The following SUFU variants were observed in gnomAD, a reference collection of about 807,000 sequenced individuals.
The protein encoded by SUFU is SUFU negative regulator of hedgehog signaling, also known as suppressor of fused homolog.
In SUFU, 7 loss-of-function variants were observed where a neutral mutation model predicts 58.9. The ratio of observed to expected loss-of-function variants is 0.12; its 90% CI spans 0.07 to 0.22. The LOEUF (loss-of-function observed/expected upper bound fraction) is 0.22. Ranked by LOEUF, SUFU falls within the 10% of genes least tolerant of loss-of-function variation. SUFU has a pLI of 1.00. For synonymous variants in SUFU, 232 were observed against 254.8 expected (o/e 0.91, Z 0.85); for missense variants, 451 against 641.3 (o/e 0.70, Z 3.20).
chr10:102,527,154 C>T (rs2062618820), intron 2 of SUFU, among the ~76,000 whole-genome samples: 1 of 151,892 alleles, frequency 6.6e-6, no homozygotes. Flanking sequence ...AGGCACCCAC[C>T]ACCACGCCTG....
In SUFU at chr10:102,503,977, C is replaced by T. The variant is rs923067577; in HGVS notation, c.-176C>T. On this transcript the variant is annotated 5_prime_UTR_variant, in exon 1 of 12. Coordinates refer to ENST00000369902, the MANE Select transcript of SUFU (RefSeq NM_016169.4). ...GCCCCGAGGCACCCTCTGGCAGACT[C>T]GGCGGCGGCGACAGCCTGGGCGGAC... 2.2e-6 allele frequency: 2 copies of T among 917,572 alleles called. No homozygotes were observed. The highest frequency in any genetic ancestry group is 3.0e-6 in the Non-Finnish European group (2 of 661,478). 56.8% of individuals were successfully genotyped at this position (917,572 alleles called of 1,614,324 possible).
At chr10:102,515,177 C>G (rs965862168) in intron 2 of SUFU, among the ~76,000 whole-genome samples, 1 of 152,194 alleles carries the variant, frequency 6.6e-6, no homozygotes, top group Non-Finnish European at 1.5e-5. Context: ...TTCTTCTTAG[C>G]TGGGCTCTGC....
chr10:102,597,030 C>T lies in SUFU; in HGVS notation c.757-110C>T, dbSNP rs547421983. On this transcript the variant is annotated intron_variant, in intron 6 of 11. Transcript: ENST00000369902. ...TGCTCTCCAGCATTTGTCCCATGCT[C>T]AGCACCACAAGGGCTCAGTAAATAC... 1.2e-4 allele frequency: 165 copies of T among 1,320,398 alleles called. No individual in the cohort carries two copies. In the East Asian group the frequency reaches 3.6e-3, roughly 29 times the overall value. 81.8% of individuals were successfully genotyped at this position (1,320,398 alleles called of 1,614,324 possible). A position where few individuals can be genotyped will look rare whatever the true frequency, so the allele number is the denominator to read the frequency against.
At chr10:102,589,597 C>T (rs2063374532) in intron 3 of SUFU, among the ~76,000 whole-genome samples, 1 of 151,726 alleles carries the variant, frequency 6.6e-6, no homozygotes, top group Admixed American at 6.6e-5. Flanking sequence ...AGGTGCACGC[C>T]ACCACGCCTG....
At chr10:102,530,906 G>A (rs2062669216) in intron 2 of SUFU, among the ~76,000 whole-genome samples, 1 of 151,968 alleles carries the variant, frequency 6.6e-6, no homozygotes, top group Non-Finnish European at 1.5e-5. Flanking sequence ...TGGTTTTCCT[G>A]GTTTTGTAAT....
intron 3 of SUFU, among the ~76,000 whole-genome samples, chr10:102,565,658 C>T (rs1194740990): frequency 1.3e-5 from 2 of 152,196 alleles, no homozygotes; most frequent in African/African-American, 4.8e-5. Flanking sequence ...CATTCTCCTG[C>T]CTTAGCCTCC....
chr10:102,551,810 C>T (rs1210539910), intron 3 of SUFU, among the ~76,000 whole-genome samples: 2 of 147,058 alleles, frequency 1.4e-5, no homozygotes, highest in East Asian at 2.1e-4. Flanking sequence ...CTACAAGCTC[C>T]GCCTTCTGGG....
At chr10:102,576,265 C>T (rs1371990441) in intron 3 of SUFU, among the ~76,000 whole-genome samples, 1 of 152,126 alleles carries the variant, frequency 6.6e-6, no homozygotes, top group Non-Finnish European at 1.5e-5. Flanking sequence ...GTCCTTGCAG[C>T]TTGCCAGATT....
At chr10:102,571,280 T>C (rs2063157794) in intron 3 of SUFU, among the ~76,000 whole-genome samples, 1 of 152,246 alleles carries the variant, frequency 6.6e-6, no homozygotes, top group Non-Finnish European at 1.5e-5. Flanking sequence ...GGCCAGTGAC[T>C]GAGCTAAAGA....
At chr10:102,555,307 A>G (rs545652027) in intron 3 of SUFU, among the ~76,000 whole-genome samples, 49 of 145,006 alleles carry the variant, frequency 3.4e-4, no homozygotes, top group Middle Eastern at 3.6e-3. Context: ...ATGGATCAAG[A>G]TGGACACCTT....
At chr10:102,553,632 T>G (rs964553047) in intron 3 of SUFU, among the ~76,000 whole-genome samples, 1 of 151,754 alleles carries the variant, frequency 6.6e-6, no homozygotes, top group African/African-American at 2.4e-5. Flanking sequence ...CCCAGCTAAT[T>G]TTTTGCGTTT....
chr10:102,545,950 G>C (rs1487884410), intron 2 of SUFU, among the ~76,000 whole-genome samples: 1 of 152,194 alleles, frequency 6.6e-6, no homozygotes, highest in Non-Finnish European at 1.5e-5. Flanking sequence ...CTCCAGCCTG[G>C]GAGACAGAGT....
At chr10:102,519,523 G>A (rs1449967552) in intron 2 of SUFU, among the ~76,000 whole-genome samples, 1 of 57,904 alleles carries the variant, frequency 1.7e-5, no homozygotes, top group African/African-American at 8.9e-5. Flanking sequence ...GAGAAACTCT[G>A]TCTCAAAAAA....
At chr10:102,618,975 T>TGTGG (rs2063715831) in intron 10 of SUFU, 1 of 927,694 alleles carries the variant, frequency 1.1e-6, no homozygotes, top group South Asian at 1.3e-5. Context: ...TGTGTGTGTG[T>TGTGG]GTGTAATGTT....
At chr10:102,510,601 C>T (rs186485182) in intron 2 of SUFU, among the ~76,000 whole-genome samples, 6,600 of 151,284 alleles carry the variant, frequency 0.044, 459 homozygotes, top group African/African-American at 0.15. Flanking sequence ...GCAGGTGGCT[C>T]ACTTGAGGTC....
At chr10:102,589,442 C>CTTTTTTTTTTT (rs747625757) in intron 3 of SUFU, among the ~76,000 whole-genome samples, 1,778 of 65,372 alleles carry the variant, frequency 0.027, 232 homozygotes, top group Middle Eastern at 0.12. Context: ...TTCTTTCTTT[C>CTTTTTTTTTTT]TTTTTTTTTT....
intron 8 of SUFU, among the ~76,000 whole-genome samples, 166 bp from the exon 9 acceptor site, chr10:102,615,102 A>T (rs966819782): frequency 6.6e-6 from 1 of 152,110 alleles, no homozygotes; most frequent in African/African-American, 2.4e-5. Flanking sequence ...TGCTTGGTGC[A>T]GTGGCTGGCG....
chr10:102,544,380 C>G (rs2062833142), intron 2 of SUFU, among the ~76,000 whole-genome samples: 2 of 152,094 alleles, frequency 1.3e-5, no homozygotes, highest in South Asian at 4.2e-4. Context: ...GGTTACACAA[C>G]CAGTACATTA....
chr10:102,631,399 C>T lies in SUFU; in HGVS notation c.*1244C>T, dbSNP rs1046455618. On this transcript the variant is annotated 3_prime_UTR_variant, in exon 12 of 12. Transcript: ENST00000369902. ...CAGTACTGCAGATCTCACAGTTTGCCTTCCAGAAGCCAGCCTATCTCTAGC... is the reference window on the plus strand; with the variant it reads ...CAGTACTGCAGATCTCACAGTTTGCTTTCCAGAAGCCAGCCTATCTCTAGC... 9 of 233,478 alleles carry T rather than the reference C, an allele frequency of 3.9e-5. No homozygotes were observed. The highest frequency in any genetic ancestry group is 2.0e-4 in the African/African-American group (9 of 45,354). The allele number at this position is 233,478 out of a possible 1,614,324, so 14.5% of individuals were successfully genotyped here.
Sources: gnomAD v4.1 joint callset for allele counts (sites outside exome capture counted in the v4.1 genomes callset) on GRCh38, gnomAD v4.1.1 for gene constraint, MANE v1.5 for transcripts, NCBI Gene and HGNC (gene_info 2026-07-23, HGNC 2026-07-21) for gene names.